MTA3: variants seen among roughly 807,000 people sequenced by gnomAD.
MTA3 encodes the protein metastasis-associated protein MTA3.
Under a neutral mutation model 83.5 loss-of-function variants are expected in MTA3, and 34 were observed. The observed-to-expected ratio is 0.41, with a 90% CI of 0.31 to 0.54. The LOEUF (loss-of-function observed/expected upper bound fraction) is 0.54, where lower values mean the gene tolerates loss of function less well. Ranked by LOEUF, MTA3 falls within the 20% of genes least tolerant of loss-of-function variation. The probability of loss-of-function intolerance (pLI) is 0.33; values close to 1 mark genes in which losing one functional copy is unlikely to be tolerated. For synonymous variants in MTA3, 303 were observed against 252.7 expected (o/e 1.20, Z -1.89); for missense variants, 761 against 726.4 (o/e 1.05, Z -0.55).
At chr2:42,743,917 C>T (rs775460160) in intron 16 of MTA3, among the ~76,000 whole-genome samples, 2 of 152,270 alleles carry the variant, frequency 1.3e-5, no homozygotes, top group Middle Eastern at 3.4e-3. Flanking sequence ...CTGTCAAAAA[C>T]TCATGCCATT....
At position 42,719,067 on chromosome 2, in the gene MTA3, G is replaced by A; in HGVS notation, c.1605G>A (p.Gly535=). The A allele has an allele frequency of 6.5e-7, 1 of 1,547,988 alleles. No individual in the cohort carries two copies. Among genetic ancestry groups the A allele is most frequent in the East Asian group, 2.4e-5 (1 of 40,872 alleles). ...GGAAGCCTTTGGCATGTATCATTGG[G>A]TATTTAGGTGGGTATTTTCTAATAG... ...STRKPLACII[G]YLEIHPAKKP... The change falls in exon 15 of 17, where the codon GGG becomes GGA. Residue 535 remains glycine (G), a synonymous_variant. Coordinates refer to ENST00000405094, the MANE Select transcript of MTA3 (RefSeq NM_001330442.2).
chr2:42,755,513 C>T lies in MTA3; in HGVS notation c.*2114C>T. 1.0e-6 allele frequency: 1 copy of T among 985,454 alleles called. No homozygotes were observed. Among genetic ancestry groups the T allele is most frequent in the Non-Finnish European group, 1.2e-6 (1 of 829,954 alleles). The allele number at this position is 985,454 out of a possible 1,614,324, so 61.0% of individuals were successfully genotyped here. ...TGTGCCAAGCAGGCTTTTCCTTCCT[C>T]TTGTAAGTAAAGCTCGTGGTTCTGT... is the stretch of plus-strand genomic sequence containing the variant. On this transcript the variant is annotated 3_prime_UTR_variant, in exon 17 of 17. Transcript: ENST00000405094.
At chr2:42,657,259 T>C (rs1689255803) in intron 7 of MTA3, among the ~76,000 whole-genome samples, 1 of 152,216 alleles carries the variant, frequency 6.6e-6, no homozygotes, top group African/African-American at 2.4e-5. Context: ...AAAATAGTCT[T>C]GGCTCATCCT....
At chr2:42,547,972 G>C (rs1676835841) in intron 2 of MTA3, among the ~76,000 whole-genome samples, 1 of 152,194 alleles carries the variant, frequency 6.6e-6, no homozygotes. Context: ...GAAGTACGGA[G>C]TCCTTCTAAG....
rs962412436 is a variant in MTA3, at chr2:42,756,934, T to A, written c.*3535T>A. ...AATTTGTATTGTGTTTCCAATAAAT[T>A]CCTGGAAATTTTGCCTGGTTTTATG... On this transcript the variant is annotated 3_prime_UTR_variant, in exon 17 of 17. Coordinates refer to ENST00000405094, the MANE Select transcript of MTA3 (RefSeq NM_001330442.2). The A allele has an allele frequency of 1.0e-6, 1 of 985,356 alleles. No homozygotes were observed. The allele number at this position is 985,356 out of a possible 1,614,324, so 61.0% of individuals were successfully genotyped here. A position where few individuals can be genotyped will look rare whatever the true frequency, so the allele number is the denominator to read the frequency against.
intron 4 of MTA3, among the ~76,000 whole-genome samples, chr2:42,624,325 AT>A (rs1685871934): frequency 6.7e-6 from 1 of 149,540 alleles, no homozygotes; most frequent in Non-Finnish European, 1.5e-5. Context: ...TAATTTTTTA[AT>A]TTTTTATTTT....
chr2:42,573,456 C>A (rs1448973326), intron 2 of MTA3, among the ~76,000 whole-genome samples: 2 of 152,144 alleles, frequency 1.3e-5, no homozygotes, highest in African/African-American at 4.8e-5. Context: ...AAGCAGTCCT[C>A]CTGCCTCAGC....
At chr2:42,706,408 C>G (rs1310873573) in intron 12 of MTA3, among the ~76,000 whole-genome samples, 2 of 152,068 alleles carry the variant, frequency 1.3e-5, no homozygotes, top group East Asian at 1.9e-4. Context: ...AATATTTACA[C>G]AAATAAAAGC....
At chr2:42,603,958 C>A (rs975766433) in intron 3 of MTA3, among the ~76,000 whole-genome samples, 1 of 152,198 alleles carries the variant, frequency 6.6e-6, no homozygotes, top group Non-Finnish European at 1.5e-5. Context: ...ATTGTGTTAG[C>A]CAGGATGGTC....
chr2:42,616,802 C>T (rs966421730), intron 4 of MTA3, among the ~76,000 whole-genome samples: 3 of 151,970 alleles, frequency 2.0e-5, no homozygotes, highest in Admixed American at 6.6e-5. Flanking sequence ...TGTTCGCAAA[C>T]GATCGCTGCT....
At chr2:42,530,238 C>T (rs1170661579) in intron 2 of MTA3, among the ~76,000 whole-genome samples, 1 of 151,630 alleles carries the variant, frequency 6.6e-6, no homozygotes, top group Non-Finnish European at 1.5e-5. Context: ...GCCTGTAATC[C>T]CAGCACTTTG....
intron 3 of MTA3, among the ~76,000 whole-genome samples, chr2:42,603,950 T>C (rs936075389): frequency 4.6e-5 from 7 of 152,320 alleles, no homozygotes; most frequent in African/African-American, 1.7e-4. Context: ...GGAGCTTCAT[T>C]GTGTTAGCCA....
At chr2:42,602,200 C>G (rs1376778690) in intron 3 of MTA3, among the ~76,000 whole-genome samples, 1 of 152,142 alleles carries the variant, frequency 6.6e-6, no homozygotes, top group African/African-American at 2.4e-5. Context: ...TGGTCTGGAT[C>G]TCCTGGGCTC....
chr2:42,555,298 G>C (rs565172840), intron 2 of MTA3, among the ~76,000 whole-genome samples: 99 of 148,538 alleles, frequency 6.7e-4, no homozygotes, highest in African/African-American at 2.3e-3. Flanking sequence ...CCCCATCTCT[G>C]CTAAAAATTA....
At chr2:42,500,746 G>C (rs956680314) in intron 2 of MTA3, among the ~76,000 whole-genome samples, 1 of 150,460 alleles carries the variant, frequency 6.6e-6, no homozygotes, top group Middle Eastern at 3.2e-3. Flanking sequence ...AACAAGTACA[G>C]CATAGTACAT....
chr2:42,655,051 A>G (rs1039103875), intron 6 of MTA3, among the ~76,000 whole-genome samples: 2 of 152,196 alleles, frequency 1.3e-5, no homozygotes, highest in African/African-American at 4.8e-5. Context: ...ACCATGTTTC[A>G]GCCCCTCATT....
At chr2:42,653,515 T>G (rs1688897958) in intron 6 of MTA3, among the ~76,000 whole-genome samples, 1 of 152,206 alleles carries the variant, frequency 6.6e-6, no homozygotes, top group South Asian at 2.1e-4. Flanking sequence ...TGAATGTAAT[T>G]ATTTGGTCTG....
intron 2 of MTA3, among the ~76,000 whole-genome samples, chr2:42,574,505 T>A (rs1678835492): frequency 6.6e-6 from 1 of 151,994 alleles, no homozygotes; most frequent in African/African-American, 2.4e-5. Context: ...GCATAGATCC[T>A]GGCTCACTGC....
chr2:42,738,172 G>T lies in MTA3; in HGVS notation c.1759+15137G>T, dbSNP rs1457415148. ...AGCTACTCGGGAGGCTGAGGTGGGA[G>T]GGTGGATTGAGACTGGGAGGTCGGA... On this transcript the variant is annotated intron_variant, in intron 16 of 16. Coordinates refer to ENST00000405094, the MANE Select transcript of MTA3 (RefSeq NM_001330442.2). 4.6e-5 allele frequency among the ~76,000 whole-genome samples: 7 copies of T among 152,158 alleles called. No individual in the cohort carries two copies. The East Asian group carries it at 1.3e-3, about 29-fold the overall frequency.
Sources: gnomAD v4.1 joint callset for allele counts (sites outside exome capture counted in the v4.1 genomes callset) on GRCh38, gnomAD v4.1.1 for gene constraint, MANE v1.5 for transcripts, NCBI Gene and HGNC (gene_info 2026-07-23, HGNC 2026-07-21) for gene names.